The following ITGA5 variants were observed in gnomAD, a reference collection of about 807,000 sequenced individuals.
ITGA5 encodes the protein integrin alpha-5.
Under a neutral mutation model 146.3 loss-of-function variants are expected in ITGA5, and 55 were observed. The ratio of observed to expected loss-of-function variants is 0.38; its 90% CI spans 0.30 to 0.47. The LOEUF (loss-of-function observed/expected upper bound fraction) is 0.47. Among genes scored for constraint, ITGA5 ranks in the 20% least tolerant of loss-of-function variants. The probability of loss-of-function intolerance (pLI) is 0.99; values close to 1 mark genes in which losing one functional copy is unlikely to be tolerated. For missense variants in ITGA5, 1,131 were observed against 1,329.0 expected, an observed-to-expected ratio of 0.85 and a Z score of 2.32; for synonymous variants, 500 against 531.8, an observed-to-expected ratio of 0.94 and a Z score of 0.82.
In ITGA5 at chr12:54,408,813, A is replaced by G; in HGVS notation, c.646-12T>C. ...ACCACACGGCCAGTCTGTGGGTGAA[A>G]GGAGGGGAGTCCAACATCTGGTCCC... On this transcript the variant is annotated splice_polypyrimidine_tract_variant and intron_variant, in intron 5 of 29. Transcript: ENST00000293379. 2 of 1,613,904 alleles carry G rather than the reference A, an allele frequency of 1.2e-6. No homozygotes were observed. The highest frequency in any genetic ancestry group is 1.1e-5 in the South Asian group (1 of 91,074).
rs1405908317 is a variant in ITGA5, at chr12:54,411,953, A to G, written c.230T>C (p.Leu77Pro). The stretch of plus-strand genomic sequence containing the variant: ...GGTATTAGCCTTGGGTGCTCCCACC[A>G]GCACACTGACCCTGTGGGGGGGAAA... The part of the protein sequence containing the change: ...YRPGTDGVSV[L>P]VGAPKANTSQ... Residue 77 changes from leucine to proline, a missense_variant, in exon 2 of 30, where the codon CTG becomes CCG. By Grantham distance (98) the Leu-to-Pro change is moderately conservative. Around this residue, in one of 3 missense-constraint regions of ITGA5, gnomAD observed 175 missense variants for 179.3 expected, o/e 0.98. Transcript: ENST00000293379. The G allele has an allele frequency of 6.3e-7, 1 of 1,596,966 alleles. No individual in the cohort carries two copies. The highest frequency in any genetic ancestry group is 8.5e-7 in the Non-Finnish European group (1 of 1,171,360).
intron 1 of ITGA5, among the ~76,000 whole-genome samples, chr12:54,418,344 T>C (rs763773823): frequency 1.3e-5 from 2 of 150,742 alleles, no homozygotes; most frequent in Non-Finnish European, 3.0e-5. Context: ...TGAACAGAGA[T>C]TGGGGGCGGA....
In ITGA5 at chr12:54,402,100, A is replaced by T; in HGVS notation, c.2134-7T>A. 1 of 1,613,982 alleles carries T rather than the reference A, an allele frequency of 6.2e-7. No homozygotes were observed. The highest frequency in any genetic ancestry group is 2.2e-5 in the East Asian group (1 of 44,856). ...AGCTCAGGCTGGAGAAGTTCTGGAG[A>T]TGGGGTGGGCACTGGTCAGGTTTTG... On this transcript the variant is annotated splice_polypyrimidine_tract_variant and splice_region_variant and intron_variant, in intron 20 of 29. Transcript: ENST00000293379.
At position 54,408,144 on chromosome 12, in the gene ITGA5, G is replaced by A. The variant is rs749575992; in HGVS notation, c.783C>T (p.Arg261=). 1.2e-6 allele frequency: 2 copies of A among 1,614,172 alleles called. No individual in the cohort carries two copies. The highest frequency in any genetic ancestry group is 1.7e-6 in the Non-Finnish European group (2 of 1,180,040). ...TGTCATCATAGATGGAACTGGCCTGGCGAGTCTGCAGCTGCCCCTGAACCA... is the reference window on the plus strand; with the variant it reads ...TGTCATCATAGATGGAACTGGCCTGACGAGTCTGCAGCTGCCCCTGAACCA... ...INLVQGQLQT[R]QASSIYDDSY... Residue 261 remains arginine (R), a synonymous_variant, in exon 7 of 30, where the codon CGC becomes CGT. Transcript: ENST00000293379.
chr12:54,419,135 G>T lies in ITGA5; in HGVS notation c.64C>A (p.Arg22=). ...AVQLRWGPRR[R]PPLLPLLLLL... is the part of the protein sequence containing the mutation. ...AACAGCAGCGGCAGCAGCGGGGGTC[G>T]GCGCCGGGGGCCCCAGCGCAGCTGC... is the stretch of plus-strand genomic sequence containing the variant. The change falls in exon 1 of 30, where the codon CGA becomes AGA. Residue 22 remains arginine (R), a synonymous_variant. Transcript: ENST00000293379. 6.3e-7 allele frequency: 1 copy of T among 1,585,904 alleles called. No individual in the cohort carries two copies. The highest frequency in any genetic ancestry group is 8.5e-7 in the Non-Finnish European group (1 of 1,169,592).
At chr12:54,399,451 AGCT>A (rs1023722175) in intron 27 of ITGA5, among the ~76,000 whole-genome samples, 191 bp downstream of exon 27, 2 of 152,100 alleles carry the variant, frequency 1.3e-5, no homozygotes, top group African/African-American at 4.8e-5. Context: ...AGGAAAGGGA[AGCT>A]GCTGCTCCCA....
At chr12:54,408,542 A>G (rs1232067744) in intron 6 of ITGA5, among the ~76,000 whole-genome samples, 1 of 152,048 alleles carries the variant, frequency 6.6e-6, no homozygotes, top group Non-Finnish European at 1.5e-5. Flanking sequence ...CCTGGCCAAG[A>G]TGGTGAAACC....
rs1955816959 is a variant in ITGA5 at position 54,403,447 on chromosome 12, C to G, written c.1777-123G>C. 3.0e-6 allele frequency: 4 copies of G among 1,333,856 alleles called. No homozygotes were observed. Among genetic ancestry groups the G allele is most frequent in the Non-Finnish European group, 2.0e-6 (2 of 980,496 alleles). 82.6% of individuals were successfully genotyped at this position (1,333,856 alleles called of 1,614,324 possible). A position where few individuals can be genotyped will look rare whatever the true frequency, so the allele number is the denominator to read the frequency against. ...CCAATTCCGACCATCCTCATTGTTT[C>G]AGAGGCCCTGGCAGCCTGCTTCCCA... On this transcript the variant is annotated intron_variant, in intron 17 of 29. Transcript: ENST00000293379. This position sits in a 1 kb window ranked among gnomAD's most constrained non-coding sequence, Gnocchi z 4.9.
chr12:54,407,537 C>T, intron 9 of ITGA5, 112 bp downstream of exon 9: 1 of 857,878 alleles, frequency 1.2e-6, no homozygotes, highest in South Asian at 1.4e-5. Flanking sequence ...GCCAGTCTGC[C>T]TCCAGAGCCC....
chr12:54,408,830 T>G (rs1444484799), intron 5 of ITGA5, 29 bp from the exon 6 acceptor site: 1 of 1,602,818 alleles, frequency 6.2e-7, no homozygotes, highest in Non-Finnish European at 8.5e-7. Flanking sequence ...GAGTCCAACA[T>G]CTGGTCCCAA....
intron 1 of ITGA5, among the ~76,000 whole-genome samples, chr12:54,417,717 A>T (rs1451673180): frequency 2.0e-5 from 3 of 152,058 alleles, no homozygotes; most frequent in Non-Finnish European, 4.4e-5. Flanking sequence ...TCAAACCCTG[A>T]GATCCTGGGG....
At chr12:54,406,909 G>A (rs565652603) in intron 9 of ITGA5, among the ~76,000 whole-genome samples, 3 of 152,318 alleles carry the variant, frequency 2.0e-5, no homozygotes, top group African/African-American at 7.2e-5. Context: ...CTTTGCTGAA[G>A]TTTACCAAAA....
Position 54,396,385 on chromosome 12 carries a change from G to C in ITGA5, c.3067-9C>G. On this transcript the variant is annotated splice_polypyrimidine_tract_variant and intron_variant, in intron 29 of 29. Transcript: ENST00000293379. ...CGTTTGAAGAATCCAAGCTGATAAAGGGGAAAAGAGGGAGAGTTTAGGTAC... is the reference window on the plus strand; with the variant it reads ...CGTTTGAAGAATCCAAGCTGATAAACGGGAAAAGAGGGAGAGTTTAGGTAC... 1 of 1,605,942 alleles carries C rather than the reference G, an allele frequency of 6.2e-7. No homozygotes were observed. The highest frequency in any genetic ancestry group is 8.5e-7 in the Non-Finnish European group (1 of 1,172,670).
In ITGA5 at chr12:54,396,195, C is replaced by T. The variant is rs757664831; in HGVS notation, c.*98G>A. ...CTGGGGAGAGGAGCTTCTCCCTGGCCGTCAGCACCTTCAAGAAGTACCCAG... is the reference window on the plus strand; with the variant it reads ...CTGGGGAGAGGAGCTTCTCCCTGGCTGTCAGCACCTTCAAGAAGTACCCAG... On this transcript the variant is annotated 3_prime_UTR_variant, in exon 30 of 30. Coordinates refer to ENST00000293379, the MANE Select transcript of ITGA5 (RefSeq NM_002205.5). 26 of 952,638 alleles carry T rather than the reference C, an allele frequency of 2.7e-5. No individual in the cohort carries two copies. Among genetic ancestry groups the T allele is most frequent in the Middle Eastern group, 3.2e-4 (1 of 3,086 alleles). The allele number at this position is 952,638 out of a possible 1,614,324, so 59.0% of individuals were successfully genotyped here. A position where few individuals can be genotyped will look rare whatever the true frequency, so the allele number is the denominator to read the frequency against.
intron 1 of ITGA5, among the ~76,000 whole-genome samples, chr12:54,417,760 G>C (rs977740663): frequency 6.6e-6 from 1 of 152,126 alleles, no homozygotes; most frequent in African/African-American, 2.4e-5. Flanking sequence ...GAAGCTCCCA[G>C]CTCAGAGATG....
At position 54,407,999 on chromosome 12, in the gene ITGA5, T is replaced by C. The variant is rs1955887960; in HGVS notation, c.817+111A>G. 9 of 1,531,268 alleles carry C rather than the reference T, an allele frequency of 5.9e-6. No individual in the cohort carries two copies. The South Asian group carries it at 9.7e-5, about 17-fold the overall frequency. The allele number at this position is 1,531,268 out of a possible 1,614,324, so 94.9% of individuals were successfully genotyped here. On this transcript the variant is annotated intron_variant, in intron 7 of 29. Coordinates refer to ENST00000293379, the MANE Select transcript of ITGA5 (RefSeq NM_002205.5). Reference sequence around the variant, plus strand: ...ATAGTCAGCAGGCACATGACAAGTATGGCAGGGGTGCTGGGGATGCCTGAG... The same window carrying C: ...ATAGTCAGCAGGCACATGACAAGTACGGCAGGGGTGCTGGGGATGCCTGAG...
intron 1 of ITGA5, among the ~76,000 whole-genome samples, chr12:54,417,209 A>ATGTGT (rs1379430849): frequency 6.6e-6 from 1 of 151,818 alleles, no homozygotes; most frequent in African/African-American, 2.4e-5. Flanking sequence ...CCAGACAGAC[A>ATGTGT]CCTAGGGGAC....
intron 8 of ITGA5, 38 bp downstream of exon 8, chr12:54,407,794 A>G: frequency 1.9e-6 from 3 of 1,610,514 alleles, no homozygotes; most frequent in Non-Finnish European, 2.5e-6. Flanking sequence ...GCCTCTAACC[A>G]TCCCCCTCCC....
At position 54,405,895 on chromosome 12, in the gene ITGA5, G is replaced by T. The variant is rs1004911071; in HGVS notation, c.938C>A (p.Ser313Tyr). 2.5e-6 allele frequency: 4 copies of T among 1,613,950 alleles called. No homozygotes were observed. Among genetic ancestry groups the T allele is most frequent in the Non-Finnish European group, 3.4e-6 (4 of 1,179,962 alleles). ...VTILNGSDIR[S>Y]LYNFSGEQMA... ...CTGTTCCCCTGAGAAGTTGTAGAGG[G>T]ATCGAATGTCTGAGCCATTAAGGAT... The change falls in exon 10 of 30, where the codon TCC (serine) becomes TAC (tyrosine). Residue 313 changes from serine to tyrosine, a missense_variant. By Grantham distance (144) the Ser-to-Tyr change is moderately radical. Transcript: ENST00000293379.
Sources: gnomAD v4.1 joint callset for allele counts (sites outside exome capture counted in the v4.1 genomes callset) on GRCh38, gnomAD v4.1.1 for gene constraint, gnomAD v4.1.1 regional missense constraint, Gnocchi (gnomAD v3.1) non-coding constraint, MANE v1.5 for transcripts, NCBI Gene and HGNC (gene_info 2026-07-23, HGNC 2026-07-21) for gene names.